TTN: variants seen among roughly 807,000 people sequenced by gnomAD.
TTN encodes connectin.
Under a neutral mutation model 3,223.0 loss-of-function variants are expected in TTN, and 1,525 were observed. That is an observed-to-expected ratio of 0.47 (90% CI 0.45 to 0.49). The LOEUF is 0.49. TTN is among the 20% of genes least tolerant of loss of function. TTN has a pLI of 0.00. For synonymous variants in TTN, 14,094 were observed against 15,161.0 expected (o/e 0.93, Z 5.17); for missense variants, 40,786 against 43,424.0 (o/e 0.94, Z 5.40).
chr2:178,793,413 A>G lies in TTN; in HGVS notation c.1527T>C (p.Thr509=). 1 of 1,614,116 alleles carries G rather than the reference A, an allele frequency of 6.2e-7. No individual in the cohort carries two copies. The highest frequency in any genetic ancestry group is 8.5e-7 in the Non-Finnish European group (1 of 1,179,998). Residue 509 remains threonine (T), a synonymous_variant, in exon 9 of 363, where the codon ACT becomes ACC. Coordinates refer to ENST00000589042, the MANE Select transcript of TTN (RefSeq NM_001267550.2). ...ITTKQEQMHV[T]HEQIRKETEK... Reference sequence around the variant, plus strand: ...ACAAACCCATTTTCACCTGCTCATGAGTTACGTGCATCTGCTCTTGCTTTG... The same window carrying G: ...ACAAACCCATTTTCACCTGCTCATGGGTTACGTGCATCTGCTCTTGCTTTG...
In TTN at chr2:178,532,171, A is replaced by T; in HGVS notation, c.104444T>A (p.Ile34815Asn). 6.2e-7 allele frequency: 1 copy of T among 1,613,536 alleles called. No homozygotes were observed. The highest frequency in any genetic ancestry group is 1.3e-5 in the African/African-American group (1 of 75,002). Reference protein sequence around the residue: ...RQREVTEITEIEEEYEISKHA... With the variant: ...RQREVTEITENEEEYEISKHA... ...TTTTGAGATTTCGTATTCTTCCTCAATTTCTGTTATTTCTGTCACTTCTCT... is the reference window on the plus strand; with the variant it reads ...TTTTGAGATTTCGTATTCTTCCTCATTTTCTGTTATTTCTGTCACTTCTCT... Residue 34815 changes from isoleucine to asparagine, a missense_variant, in exon 358 of 363, where the codon ATT becomes AAT. By Grantham distance (149) the Ile-to-Asn change is moderately radical. Coordinates refer to ENST00000589042, the MANE Select transcript of TTN (RefSeq NM_001267550.2).
chr2:178,622,259 C>G (rs964360965), intron 243 of TTN, among the ~76,000 whole-genome samples: 3 of 151,888 alleles, frequency 2.0e-5, no homozygotes, highest in Non-Finnish European at 2.9e-5. Flanking sequence ...AAGTTTAGAG[C>G]TATAGTGAGC....
chr2:178,649,525 T>C lies in TTN; in HGVS notation c.39973+29A>G. ...CTTTAAGATATCAGAATACTTTCTT[T>C]TTTATGATGCCAACGATGAAGTGAA... On this transcript the variant is annotated intron_variant, in intron 212 of 362. Coordinates refer to ENST00000589042, the MANE Select transcript of TTN (RefSeq NM_001267550.2). 1.9e-6 allele frequency: 3 copies of C among 1,542,906 alleles called. No homozygotes were observed. In the South Asian group the frequency reaches 3.6e-5, roughly 19 times the overall value.
chr2:178,561,126 C>G lies in TTN; in HGVS notation c.85006G>C (p.Val28336Leu), dbSNP rs375593513. Residue 28336 changes from valine to leucine, a missense_variant, in exon 326 of 363, where the codon GTT (valine) becomes CTT (leucine). Val to Leu is a conservative substitution (Grantham distance 32, BLOSUM62 1). Transcript: ENST00000589042. ...RVFARNAADS[V>L]SEPSESTGPI... ...CCAGTGGATTCAGATGGCTCACTAA[C>G]TGAGTCAGCAGCATTCCTTGCAAAA... is the stretch of plus-strand genomic sequence containing the variant. The G allele has an allele frequency of 3.1e-5, 50 of 1,613,726 alleles. No homozygotes were observed. The highest frequency in any genetic ancestry group is 4.0e-5 in the Non-Finnish European group (47 of 1,179,834).
chr2:178,709,908 A>G, intron 98 of TTN, 52 bp from the exon 99 acceptor site: 1 of 1,524,266 alleles, frequency 6.6e-7, no homozygotes, highest in Non-Finnish European at 8.8e-7. Flanking sequence ...CAGATTACTA[A>G]TATGAAGCTT....
At chr2:178,613,424 A>G (rs2056711822) in intron 263 of TTN, 148 bp from the exon 264 acceptor site, 1 of 740,452 alleles carries the variant, frequency 1.4e-6, no homozygotes. Context: ...TAAATTAAAA[A>G]TTGCTTTTTA....
intron 37 of TTN, 146 bp from the exon 38 acceptor site, chr2:178,769,079 C>CTGT: frequency 1.1e-6 from 1 of 911,114 alleles, no homozygotes; most frequent in Non-Finnish European, 1.7e-6. Flanking sequence ...TGATACCTTC[C>CTGT]ATGTACTATA....
chr2:178,611,455 A>G lies in TTN; in HGVS notation c.50774T>C (p.Val16925Ala), dbSNP rs370067597. 1.7e-4 allele frequency: 278 copies of G among 1,612,800 alleles called. No individual in the cohort carries two copies. Among genetic ancestry groups the G allele is most frequent in the Non-Finnish European group, 2.2e-4 (261 of 1,179,332 alleles). ...EEGVVPDKEY[V>A]LRVRAVNAIG... The stretch of plus-strand genomic sequence containing the variant: ...AGCATTGACTGCTCTCACTCTCAGG[A>G]CATATTCTTTGTCAGGAACAACACC... The change falls in exon 269 of 363, where the codon GTC (valine) becomes GCC (alanine). Residue 16925 changes from valine (V) to alanine (A), a missense_variant. Coordinates refer to ENST00000589042, the MANE Select transcript of TTN (RefSeq NM_001267550.2).
At chr2:178,804,430 G>T (rs1454680611) in intron 2 of TTN, 122 bp downstream of exon 2, 3 of 885,494 alleles carry the variant, frequency 3.4e-6, no homozygotes, top group South Asian at 1.4e-5. Context: ...TTTCCATAGT[G>T]TTGGACTAAT....
chr2:178,678,297 A>T (rs963526606), intron 144 of TTN, 89 bp from the exon 145 acceptor site: 1 of 1,518,030 alleles, frequency 6.6e-7, no homozygotes, highest in South Asian at 1.2e-5. Context: ...AATATCTGAC[A>T]TATTTCTAAC....
In TTN at chr2:178,619,871, G is replaced by A. The variant is rs1341302001; in HGVS notation, c.46446C>T (p.Ile15482=). The A allele has an allele frequency of 6.2e-7, 1 of 1,609,310 alleles. No homozygotes were observed. Among genetic ancestry groups the A allele is most frequent in the Middle Eastern group, 1.6e-4 (1 of 6,062 alleles). Reference sequence around the variant, plus strand: ...CAAGAATATCTTGTGGAGGCCTGATGATCTCAACAGGAATTTCTGGAAAGA... The same window carrying A: ...CAAGAATATCTTGTGGAGGCCTGATAATCTCAACAGGAATTTCTGGAAAGA... ...RLFVEEIPVE[I]IRPPQDILEA... Residue 15482 remains isoleucine (I), a synonymous_variant, in exon 250 of 363, where the codon ATC becomes ATT. Coordinates refer to ENST00000589042, the MANE Select transcript of TTN (RefSeq NM_001267550.2).
chr2:178,605,666 A>G lies in TTN; in HGVS notation c.53629T>C (p.Ser17877Pro), dbSNP rs776123623. Residue 17877 changes from serine to proline, a missense_variant, in exon 279 of 363, where the codon TCC (serine) becomes CCC (proline). Coordinates refer to ENST00000589042, the MANE Select transcript of TTN (RefSeq NM_001267550.2). The stretch of plus-strand genomic sequence containing the variant: ...TCTTTCCAGTCAAGTGTGATAGTGG[A>G]CTTTGTCCTTTCAGTGTATGTGAGC... Reference protein sequence around the residue: ...ERLTYTERTKSTITLDWKEPR... With the variant: ...ERLTYTERTKPTITLDWKEPR... The G allele has an allele frequency of 6.2e-7, 1 of 1,605,440 alleles. No homozygotes were observed. Among genetic ancestry groups the G allele is most frequent in the Non-Finnish European group, 8.5e-7 (1 of 1,174,440 alleles).
At chr2:178,682,587 C>A in intron 135 of TTN, 110 bp downstream of exon 135, 1 of 1,104,630 alleles carries the variant, frequency 9.1e-7, no homozygotes. Context: ...AAGTTCTTTC[C>A]AAATTTCTTT....
rs879077072 is a variant in TTN, at chr2:178,756,613, G to A, written c.10863C>T (p.Ile3621=). Residue 3621 remains isoleucine (I), a synonymous_variant, in exon 46 of 363, where the codon ATC becomes ATT. Transcript: ENST00000589042. ...TATCTTGAACAGATGCAGCTGTGTG[G>A]ATGGAACTTTGAGATACACTTTCAA... ...QVFESVSQSS[I]HTAASVQDTQ... 6.2e-7 allele frequency: 1 copy of A among 1,613,576 alleles called. No homozygotes were observed. Among genetic ancestry groups the A allele is most frequent in the Non-Finnish European group, 8.5e-7 (1 of 1,179,688 alleles).
chr2:178,704,103 T>G (rs759721726), intron 106 of TTN, 44 bp downstream of exon 106: 8 of 1,590,566 alleles, frequency 5.0e-6, no homozygotes, highest in Admixed American at 1.7e-5. Context: ...CATTTGCCAT[T>G]GACCTATGCT....
At chr2:178,716,137 T>C (rs1481344082) in intron 88 of TTN, among the ~76,000 whole-genome samples, 1 of 152,162 alleles carries the variant, frequency 6.6e-6, no homozygotes, top group Non-Finnish European at 1.5e-5. Context: ...ATTTGATTAC[T>C]GTCTTGTATA....
At position 178,530,590 on chromosome 2, in the gene TTN, TA is replaced by T. The variant is rs774682538; in HGVS notation, c.106024del (p.Tyr35342MetfsTer63). 6.2e-7 allele frequency: 1 copy of T among 1,613,998 alleles called. No individual in the cohort carries two copies. Among genetic ancestry groups the T allele is most frequent in the Admixed American group, 1.7e-5 (1 of 60,024 alleles). The stretch of plus-strand genomic sequence containing the variant: ...AGTGAGGTTATTGATTTTGAGCTCA[TA>T]GGTACCATCTGCTGAATAATGAAAC... ...FQFHYSADGT[Y>X]ELKINNLTES... On this transcript the variant is annotated frameshift_variant, in exon 358 of 363. Coordinates refer to ENST00000589042, the MANE Select transcript of TTN (RefSeq NM_001267550.2). LOFTEE classifies it high-confidence loss of function.
chr2:178,755,010 C>T (rs1034360832), intron 46 of TTN, among the ~76,000 whole-genome samples: 1 of 152,126 alleles, frequency 6.6e-6, no homozygotes, highest in Non-Finnish European at 1.5e-5. Context: ...ATCCCTAACA[C>T]CACTATGGCC....
intron 288 of TTN, 75 bp from the exon 289 acceptor site, chr2:178,599,925 T>C: frequency 7.1e-7 from 1 of 1,408,692 alleles, no homozygotes; most frequent in Non-Finnish European, 9.4e-7. Flanking sequence ...ACAGTTACTA[T>C]AAAGTTGTTT....
Sources: gnomAD v4.1 joint callset for allele counts (sites outside exome capture counted in the v4.1 genomes callset) on GRCh38, gnomAD v4.1.1 for gene constraint, MANE v1.5 for transcripts, NCBI Gene and HGNC (gene_info 2026-07-23, HGNC 2026-07-21) for gene names.